Variants in ARHGAP20 observed in about 807,000 individuals in gnomAD.
ARHGAP20 encodes the protein Rho GTPase activating protein 20.
In ARHGAP20, 34 loss-of-function variants were observed where a neutral mutation model predicts 73.7. That is an observed-to-expected ratio of 0.46 (90% CI 0.35 to 0.61). The LOEUF (loss-of-function observed/expected upper bound fraction) is 0.61, where lower values mean the gene tolerates loss of function less well. Ranked by LOEUF, ARHGAP20 falls within the 20% of genes least tolerant of loss-of-function variation. The pLI, the probability that ARHGAP20 is intolerant of heterozygous loss-of-function variation, is 0.00. For synonymous variants in ARHGAP20, 523 were observed against 518.2 expected, an observed-to-expected ratio of 1.01 and a Z score of -0.13; for missense variants, 1,314 against 1,420.9, an observed-to-expected ratio of 0.92 and a Z score of 1.21.
chr11:110,634,919 T>A (rs1948932934), intron 2 of ARHGAP20, among the ~76,000 whole-genome samples: 1 of 148,986 alleles, frequency 6.7e-6, no homozygotes, highest in Non-Finnish European at 1.5e-5. Flanking sequence ...CATGCAAAAG[T>A]CATAATAATG....
chr11:110,674,531 T>G (rs1215553553), intron 2 of ARHGAP20, among the ~76,000 whole-genome samples: 1 of 152,158 alleles, frequency 6.6e-6, no homozygotes, highest in Admixed American at 6.5e-5. Context: ...ATGTGCAAAA[T>G]TATTTAAAAT....
At chr11:110,707,392 T>C (rs1950569223) in intron 1 of ARHGAP20, among the ~76,000 whole-genome samples, 1 of 152,168 alleles carries the variant, frequency 6.6e-6, no homozygotes, top group Non-Finnish European at 1.5e-5. Context: ...CTATGCTTTA[T>C]CTATATGCTA....
At chr11:110,632,497 T>G (rs1948880203) in intron 2 of ARHGAP20, among the ~76,000 whole-genome samples, 1 of 152,084 alleles carries the variant, frequency 6.6e-6, no homozygotes, top group African/African-American at 2.4e-5. Flanking sequence ...CTCTGCCTCC[T>G]GGGTTCAAGC....
At chr11:110,675,070 T>C (rs1949904604) in intron 2 of ARHGAP20, among the ~76,000 whole-genome samples, 1 of 152,346 alleles carries the variant, frequency 6.6e-6, no homozygotes, top group Middle Eastern at 3.4e-3. Flanking sequence ...TAAGTATCTC[T>C]ATTTTTCCTC....
At chr11:110,600,337 A>G in intron 9 of ARHGAP20, among the ~76,000 whole-genome samples, 1 of 152,228 alleles carries the variant, frequency 6.6e-6, no homozygotes, top group Non-Finnish European at 1.5e-5. Context: ...TCTGGGCACC[A>G]CTGTGTTCCC....
chr11:110,691,127 G>A, intron 1 of ARHGAP20: 1 of 600,522 alleles, frequency 1.7e-6, no homozygotes, highest in Non-Finnish European at 2.6e-6. Flanking sequence ...TAACACACTT[G>A]GGAATCCCTT....
At chr11:110,711,677 C>G in intron 1 of ARHGAP20, 2 of 1,460,522 alleles carry the variant, frequency 1.4e-6, no homozygotes, top group Non-Finnish European at 1.8e-6. Flanking sequence ...CGCCGGCTGC[C>G]GCTCCCGGGC....
At chr11:110,654,680 C>T (rs1949427721) in intron 2 of ARHGAP20, among the ~76,000 whole-genome samples, 1 of 152,180 alleles carries the variant, frequency 6.6e-6, no homozygotes, top group African/African-American at 2.4e-5. Flanking sequence ...CGAGCAAACA[C>T]ACATGTGGTC....
chr11:110,583,335 T>C (rs1026152301), intron 13 of ARHGAP20, among the ~76,000 whole-genome samples: 5 of 152,208 alleles, frequency 3.3e-5, no homozygotes, highest in Admixed American at 1.3e-4. Flanking sequence ...TTAATCATGG[T>C]GTTTAGCCTC....
intron 12 of ARHGAP20, among the ~76,000 whole-genome samples, chr11:110,584,848 TATATATATGTGAATATATAAATGA>T (rs1223042947): frequency 6.6e-6 from 1 of 151,206 alleles, no homozygotes; most frequent in African/African-American, 2.4e-5. Flanking sequence ...CTGATTCATA[TATATATATGTGAATATATAAATGA>T]ATATATATGT....
In ARHGAP20 at chr11:110,657,291, T is replaced by G. The variant is rs142570475; in HGVS notation, c.189-26499A>C. 6.1e-4 allele frequency among the ~76,000 whole-genome samples: 93 copies of G among 152,230 alleles called. 2 individuals are homozygous for G. The East Asian group carries it at 0.018, about 29-fold the overall frequency. ...AGACCACAGAAAGGAAATATAAAGC[T>G]GGAGTTATCAGGACAAGAGAATAAG... On this transcript the variant is annotated intron_variant, in intron 2 of 14. Transcript: ENST00000683387.
intron 9 of ARHGAP20, among the ~76,000 whole-genome samples, chr11:110,600,514 C>A (rs1115447): frequency 0.14 from 20,629 of 152,292 alleles, 2,047 homozygotes; most frequent in African/African-American, 0.28. Context: ...CCCCTCGCCA[C>A]TCCACACCTG....
At chr11:110,639,814 A>C (rs976009812) in intron 2 of ARHGAP20, among the ~76,000 whole-genome samples, 8 of 152,062 alleles carry the variant, frequency 5.3e-5, no homozygotes, top group Non-Finnish European at 1.5e-5. Context: ...CGGCTATAGC[A>C]CATTTGTTTA....
At position 110,580,128 on chromosome 11, in the gene ARHGAP20, A is replaced by G. The variant is rs1431987610; in HGVS notation, c.2818T>C (p.Ser940Pro). The G allele has an allele frequency of 6.2e-7, 1 of 1,614,102 alleles. No individual in the cohort carries two copies. The highest frequency in any genetic ancestry group is 8.5e-7 in the Non-Finnish European group (1 of 1,180,016). The change falls in exon 15 of 15, where the codon TCC becomes CCC. Residue 940 changes from serine (S) to proline (P), a missense_variant. By Grantham distance (74) the Ser-to-Pro change is moderately conservative (BLOSUM62 -1). Around this residue, in one of 3 missense-constraint regions of ARHGAP20, gnomAD observed 641 missense variants for 636.9 expected, o/e 1.01. Transcript: ENST00000683387. ...GAGCCGGATGGGGAAGTGCCTGGGGAGGATAAGCTGGAATAGCTGGTCCTT... is the reference window on the plus strand; with the variant it reads ...GAGCCGGATGGGGAAGTGCCTGGGGGGGATAAGCTGGAATAGCTGGTCCTT... ...CPRTSYSSLS[S>P]PGTSPSGSSV...
rs189061475 is a variant in ARHGAP20 at position 110,698,417 on chromosome 11, G to C, written c.106-7788C>G. Among the ~76,000 whole-genome samples, 294 of 151,954 alleles carry C rather than the reference G, an allele frequency of 1.9e-3. 1 individual carries two copies. Among genetic ancestry groups the C allele is most frequent in the Admixed American group, 3.2e-3 (49 of 15,206 alleles). ...GTGTCCTTCTCTGATTTTGGTATCA[G>C]GGAGATACTGGTTTCATAGAACGAG... On this transcript the variant is annotated intron_variant, in intron 1 of 14. Transcript: ENST00000683387.
chr11:110,670,230 T>C (rs1949801650), intron 2 of ARHGAP20, among the ~76,000 whole-genome samples: 1 of 152,048 alleles, frequency 6.6e-6, no homozygotes, highest in South Asian at 2.1e-4. Flanking sequence ...TCAATAAATC[T>C]CTCAAAAATA....
chr11:110,701,173 C>T (rs1282214929), intron 1 of ARHGAP20, among the ~76,000 whole-genome samples: 6 of 151,556 alleles, frequency 4.0e-5, no homozygotes, highest in Non-Finnish European at 4.4e-5. Flanking sequence ...ACACTGACTT[C>T]CACAATGGTT....
intron 2 of ARHGAP20, among the ~76,000 whole-genome samples, chr11:110,631,933 A>G (rs1227668963): frequency 6.6e-6 from 1 of 152,222 alleles, no homozygotes; most frequent in Non-Finnish European, 1.5e-5. Context: ...AGAATTTTAT[A>G]CAAATTGAAC....
At chr11:110,670,130 C>A (rs938371719) in intron 2 of ARHGAP20, among the ~76,000 whole-genome samples, 2 of 152,006 alleles carry the variant, frequency 1.3e-5, no homozygotes, top group Non-Finnish European at 2.9e-5. Context: ...TGAAAATGTT[C>A]ATTATCTTGA....
Sources: allele counts gnomAD v4.1 joint callset (sites outside exome capture counted in the v4.1 genomes callset), GRCh38; gene constraint gnomAD v4.1.1; regional missense constraint gnomAD v4.1.1; transcripts MANE v1.5; gene names NCBI Gene and HGNC (gene_info 2026-07-23, HGNC 2026-07-21).